C12orf71: variants seen among roughly 807,000 people sequenced by gnomAD.
C12orf71 encodes chromosome 12 open reading frame 71.
Under a neutral mutation model 11.7 loss-of-function variants are expected in C12orf71, and 10 were observed. The observed-to-expected ratio is 0.86, with a 90% CI of 0.53 to 1.45. The LOEUF is 1.45. C12orf71 is among the 40% of genes most tolerant of loss of function. C12orf71 has a pLI of 0.00. For synonymous variants in C12orf71, 110 were observed against 123.4 expected, an observed-to-expected ratio of 0.89 and a Z score of 0.72; for missense variants, 293 against 325.8, an observed-to-expected ratio of 0.90 and a Z score of 0.78.
chr12:27,082,308 C>A lies in C12orf71; in HGVS notation c.176G>T (p.Gly59Val), dbSNP rs766230920. The A allele has an allele frequency of 6.2e-7, 1 of 1,601,292 alleles. No individual in the cohort carries two copies. The highest frequency in any genetic ancestry group is 1.1e-5 in the South Asian group (1 of 88,736). ...CCCTATCCTTTCAGTCCCCCATGCCCCTTGGACGGGAGGCAGAAAGTGGAT... is the reference window on the plus strand; with the variant it reads ...CCCTATCCTTTCAGTCCCCCATGCCACTTGGACGGGAGGCAGAAAGTGGAT... Reference protein sequence around the residue: ...PSIHFLPPVQGAWGTERIGRR... With the variant: ...PSIHFLPPVQVAWGTERIGRR... The change falls in exon 1 of 2, where the codon GGG becomes GTG. Residue 59 changes from glycine to valine, a missense_variant. Physicochemically the swap from Gly to Val is moderately radical, Grantham distance 109. Transcript: ENST00000429849.
chr12:27,082,593 A>G, upstream of C12orf71: 2 of 774,644 alleles, frequency 2.6e-6, no homozygotes. Flanking sequence ...CAAAAACATT[A>G]TCCATTCCCT....
chr12:27,083,918 A>G (rs759910977), upstream of C12orf71, among the ~76,000 whole-genome samples: 4 of 152,198 alleles, frequency 2.6e-5, no homozygotes, highest in Admixed American at 1.3e-4. Flanking sequence ...GCCCCAGAGT[A>G]AGTAGGGCTG....
chr12:27,083,276 A>G (rs1941952486), upstream of C12orf71, among the ~76,000 whole-genome samples: 1 of 152,202 alleles, frequency 6.6e-6, no homozygotes, highest in African/African-American at 2.4e-5. Flanking sequence ...TGAAGGGCAG[A>G]AGAGGCAGCC....
chr12:27,083,877 T>G (rs1941956792), upstream of C12orf71, among the ~76,000 whole-genome samples: 1 of 152,264 alleles, frequency 6.6e-6, no homozygotes, highest in Non-Finnish European at 1.5e-5. Flanking sequence ...CACCGTCTGA[T>G]GACACTGTTT....
chr12:27,081,060 G>T lies in C12orf71; in HGVS notation c.*114C>A. 1 of 769,558 alleles carries T rather than the reference G, an allele frequency of 1.3e-6. No homozygotes were observed. The allele number at this position is 769,558 out of a possible 1,614,324, so 47.7% of individuals were successfully genotyped here. ...ATGGTGTGCTGGGAGAGGAAGATGT[G>T]GGGTAACAAGAGCATTTATTTTGTT... On this transcript the variant is annotated 3_prime_UTR_variant, in exon 2 of 2. Transcript: ENST00000429849.
Position 27,082,329 on chromosome 12 carries a change from T to C in C12orf71, c.155A>G (p.His52Arg). The C allele has an allele frequency of 1.9e-6, 3 of 1,600,474 alleles. No individual in the cohort carries two copies. The highest frequency in any genetic ancestry group is 2.6e-6 in the Non-Finnish European group (3 of 1,174,236). ...TGCCCCTTGGACGGGAGGCAGAAAG[T>C]GGATGGAAGGACCCTTGGAAGGTGC... The part of the protein sequence containing the change: ...EDAPSKGPSI[H>R]FLPPVQGAWG... The change falls in exon 1 of 2, where the codon CAC becomes CGC. Residue 52 changes from histidine (H) to arginine (R), a missense_variant. Physicochemically the swap from His to Arg is conservative, Grantham distance 29. Coordinates refer to ENST00000429849, the MANE Select transcript of C12orf71 (RefSeq NM_001080406.2).
chr12:27,081,526 C>G (rs545680328), intron 1 of C12orf71, 59 bp from the exon 2 acceptor site: 1 of 1,517,934 alleles, frequency 6.6e-7, no homozygotes. Context: ...GCCAAATCAA[C>G]GTTTACTCAT....
rs1384505392 is a variant in C12orf71 at position 27,081,941 on chromosome 12, A to G, written c.516+27T>C. On this transcript the variant is annotated intron_variant, in intron 1 of 1. Transcript: ENST00000429849. ...GTGGCTTGCACTTGGGCAGGTCTTG[A>G]CAAGCATCATATTCCTGATGACTGA... The G allele has an allele frequency of 6.4e-6, 10 of 1,563,496 alleles. No homozygotes were observed. In the East Asian group the frequency reaches 2.3e-4, roughly 37 times the overall value.
rs779393981 is a variant in C12orf71 at position 27,081,064 on chromosome 12, T to A, written c.*110A>T. On this transcript the variant is annotated 3_prime_UTR_variant, in exon 2 of 2. Transcript: ENST00000429849. ...TGTGCTGGGAGAGGAAGATGTGGGG[T>A]AACAAGAGCATTTATTTTGTTTATT... 36 of 799,648 alleles carry A rather than the reference T, an allele frequency of 4.5e-5. No individual in the cohort carries two copies. Among genetic ancestry groups the A allele is most frequent in the African/African-American group, 7.0e-5 (4 of 57,506 alleles). The allele number at this position is 799,648 out of a possible 1,614,324, so 49.5% of individuals were successfully genotyped here. A position where few individuals can be genotyped will look rare whatever the true frequency, so the allele number is the denominator to read the frequency against.
chr12:27,082,283 C>G lies in C12orf71; in HGVS notation c.201G>C (p.Gly67=), dbSNP rs1941942955. ...VQGAWGTERI[G]RRMKRQDQIQ... Reference sequence around the variant, plus strand: ...TTTGGTCTTGTCTCTTCATGCGTCTCCCTATCCTTTCAGTCCCCCATGCCC... The same window carrying G: ...TTTGGTCTTGTCTCTTCATGCGTCTGCCTATCCTTTCAGTCCCCCATGCCC... Residue 67 remains glycine, a synonymous_variant, in exon 1 of 2, where the codon GGG becomes GGC. Transcript: ENST00000429849. 1 of 1,608,038 alleles carries G rather than the reference C, an allele frequency of 6.2e-7. No homozygotes were observed.
At position 27,082,278 on chromosome 12, in the gene C12orf71, C is replaced by T. The variant is rs201692205; in HGVS notation, c.206G>A (p.Arg69His). The T allele has an allele frequency of 3.0e-5, 49 of 1,609,076 alleles. No individual in the cohort carries two copies. Among genetic ancestry groups the T allele is most frequent in the African/African-American group, 1.6e-4 (12 of 74,816 alleles). Reference protein sequence around the residue: ...GAWGTERIGRRMKRQDQIQDE... With the variant: ...GAWGTERIGRHMKRQDQIQDE... ...CTGAATTTGGTCTTGTCTCTTCATGCGTCTCCCTATCCTTTCAGTCCCCCA... is the reference window on the plus strand; with the variant it reads ...CTGAATTTGGTCTTGTCTCTTCATGTGTCTCCCTATCCTTTCAGTCCCCCA... The change falls in exon 1 of 2, where the codon CGC becomes CAC. Residue 69 changes from arginine to histidine, a missense_variant. Arg to His is a conservative substitution (Grantham distance 29). Transcript: ENST00000429849.
At chr12:27,084,027 T>A (rs1941958206), upstream of C12orf71, among the ~76,000 whole-genome samples, 1 of 152,078 alleles carries the variant, frequency 6.6e-6, no homozygotes, top group African/African-American at 2.4e-5. Flanking sequence ...GCTGCCCACG[T>A]GGAAGAAGTG....
rs1941927606 is a variant in C12orf71, at chr12:27,081,087, A to G, written c.*87T>C. The G allele has an allele frequency of 2.0e-6, 2 of 995,896 alleles. No homozygotes were observed. The highest frequency in any genetic ancestry group is 3.0e-6 in the Non-Finnish European group (2 of 674,040). 61.7% of individuals were successfully genotyped at this position (995,896 alleles called of 1,614,324 possible). ...GGTAACAAGAGCATTTATTTTGTTTATTGAGGAAAAAACAAACTGATGGGG... is the reference window on the plus strand; with the variant it reads ...GGTAACAAGAGCATTTATTTTGTTTGTTGAGGAAAAAACAAACTGATGGGG... On this transcript the variant is annotated 3_prime_UTR_variant, in exon 2 of 2. Coordinates refer to ENST00000429849, the MANE Select transcript of C12orf71 (RefSeq NM_001080406.2).
intron 1 of C12orf71, chr12:27,081,743 G>A: frequency 1.4e-6 from 1 of 712,522 alleles, no homozygotes; most frequent in Non-Finnish European, 2.5e-6. Flanking sequence ...TCTCCCACTG[G>A]TATCACGTCA....
chr12:27,083,467 C>T (rs1941953669), upstream of C12orf71, among the ~76,000 whole-genome samples: 1 of 152,120 alleles, frequency 6.6e-6, no homozygotes, highest in Non-Finnish European at 1.5e-5. Flanking sequence ...TGTAGTCCTA[C>T]CTTCTAAAGA....
chr12:27,082,527 A>G lies in C12orf71; in HGVS notation c.-44T>C. On this transcript the variant is annotated 5_prime_UTR_variant, in exon 1 of 2. Transcript: ENST00000429849. The stretch of plus-strand genomic sequence containing the variant: ...TTTCTCTCAACTTGAGAAGCTTCAA[A>G]AAAGAAAAAAGAAAAAATAGGTGGG... 7.1e-7 allele frequency: 1 copy of G among 1,407,594 alleles called. No homozygotes were observed. The highest frequency in any genetic ancestry group is 9.4e-7 in the Non-Finnish European group (1 of 1,069,430). The allele number at this position is 1,407,594 out of a possible 1,614,324, so 87.2% of individuals were successfully genotyped here.
chr12:27,082,015 G>T lies in C12orf71; in HGVS notation c.469C>A (p.Gln157Lys). 1.3e-6 allele frequency: 2 copies of T among 1,590,120 alleles called. No homozygotes were observed. Among genetic ancestry groups the T allele is most frequent in the Non-Finnish European group, 8.6e-7 (1 of 1,166,878 alleles). The change falls in exon 1 of 2, where the codon CAG becomes AAG. Residue 157 changes from glutamine (Q) to lysine (K), a missense_variant. By Grantham distance (53) the Gln-to-Lys change is moderately conservative (BLOSUM62 1). Coordinates refer to ENST00000429849, the MANE Select transcript of C12orf71 (RefSeq NM_001080406.2). ...DDDAVFPETA[Q>K]QDFQLSSGSP... ...CCGCTGGATAGCTGGAAATCTTGCTGAGCAGTTTCAGGAAATACAGCGTCA... is the reference window on the plus strand; with the variant it reads ...CCGCTGGATAGCTGGAAATCTTGCTTAGCAGTTTCAGGAAATACAGCGTCA...
At chr12:27,081,847 C>T in intron 1 of C12orf71, 121 bp downstream of exon 1, 2 of 1,068,130 alleles carry the variant, frequency 1.9e-6, no homozygotes, top group Non-Finnish European at 2.8e-6. Context: ...TCTCTGCTCT[C>T]CTCAGCCAGC....
rs1941927882 is a variant in C12orf71 at position 27,081,120 on chromosome 12, A to G, written c.*54T>C. 7.3e-7 allele frequency: 1 copy of G among 1,377,022 alleles called. No homozygotes were observed. The highest frequency in any genetic ancestry group is 1.0e-6 in the Non-Finnish European group (1 of 1,003,524). The allele number at this position is 1,377,022 out of a possible 1,614,324, so 85.3% of individuals were successfully genotyped here. ...AAAAACAAACTGATGGGGATTATTA[A>G]TGGAATCCTTATTATGGATTATTTT... On this transcript the variant is annotated 3_prime_UTR_variant, in exon 2 of 2. Coordinates refer to ENST00000429849, the MANE Select transcript of C12orf71 (RefSeq NM_001080406.2).
Sources: gnomAD v4.1 joint callset for allele counts (sites outside exome capture counted in the v4.1 genomes callset) on GRCh38, gnomAD v4.1.1 for gene constraint, MANE v1.5 for transcripts, NCBI Gene and HGNC (gene_info 2026-07-23, HGNC 2026-07-21) for gene names.